SBF2: variants seen among roughly 807,000 people sequenced by gnomAD.
SBF2 encodes SET binding factor 2, also known as myotubularin-related protein 13.
SBF2 carries 112 observed loss-of-function variants against 225.2 expected under a neutral mutation model. The observed-to-expected ratio is 0.50, with a 90% CI of 0.43 to 0.58. The LOEUF is 0.58. Among genes scored for constraint, SBF2 ranks in the 20% least tolerant of loss-of-function variants. The pLI, the probability that SBF2 is intolerant of heterozygous loss-of-function variation, is 0.00. For missense variants in SBF2, 1,996 were observed against 2,206.2 expected (o/e 0.90, Z 1.91); for synonymous variants, 763 against 773.3 (o/e 0.99, Z 0.22).
chr11:9,881,778 A>G (rs1382493465), intron 17 of SBF2, among the ~76,000 whole-genome samples: 1 of 152,064 alleles, frequency 6.6e-6, no homozygotes, highest in Non-Finnish European at 1.5e-5. Flanking sequence ...TTGTAAGGAA[A>G]ACAATAAAAG....
At chr11:9,950,990 G>A (rs2134324434) in intron 16 of SBF2, among the ~76,000 whole-genome samples, 1 of 152,278 alleles carries the variant, frequency 6.6e-6, no homozygotes, top group East Asian at 1.9e-4. Flanking sequence ...GATCATGGTG[G>A]ATAGTATAGG....
intron 1 of SBF2, among the ~76,000 whole-genome samples, 178 bp from the exon 2 acceptor site, chr11:10,194,165 T>C (rs954943612): frequency 6.6e-6 from 1 of 152,150 alleles, no homozygotes; most frequent in African/African-American, 2.4e-5. Context: ...CAGTAGGACC[T>C]CCATATCCAT....
intron 30 of SBF2, chr11:9,809,269 C>A: frequency 2.6e-6 from 1 of 388,268 alleles, no homozygotes; most frequent in Non-Finnish European, 4.8e-6. Flanking sequence ...AGTTCGAGAC[C>A]AGCCTGGGCA....
chr11:10,265,104 G>C (rs971858598), intron 1 of SBF2, among the ~76,000 whole-genome samples: 1 of 152,132 alleles, frequency 6.6e-6, no homozygotes, highest in African/African-American at 2.4e-5. Flanking sequence ...CTCAGTAACA[G>C]GATTGCTAGG....
Position 9,882,795 on chromosome 11 carries a change from C to CAAAAAAAA in SBF2, c.1929+13140_1929+13147dup, listed in dbSNP as rs56699466. ...TGCACTCCAGCCTGGGTGACAGAGTCAAAAAAAAAAAAAAAAAAAAAAAAA... is the reference window on the plus strand; with the variant it reads ...TGCACTCCAGCCTGGGTGACAGAGTCAAAAAAAAAAAAAAAAAAAAAAAAAAAAAAAAA... On this transcript the variant is annotated intron_variant, in intron 17 of 39. Coordinates refer to ENST00000256190, the MANE Select transcript of SBF2 (RefSeq NM_030962.4). 8.9e-5 allele frequency among the ~76,000 whole-genome samples: 8 copies of CAAAAAAAA among 90,086 alleles called. No homozygotes were observed. The East Asian group carries it at 1.3e-3, about 14-fold the overall frequency. 59.1% of individuals were successfully genotyped at this position (90,086 alleles called of 152,430 possible).
rs116106914 is a variant in SBF2, at chr11:10,130,996, T to C, written c.141+62906A>G. On this transcript the variant is annotated intron_variant, in intron 2 of 39. Transcript: ENST00000256190. The stretch of plus-strand genomic sequence containing the variant: ...GGGCCATTGAAAATAAAACCATGTA[T>C]GGGATTCTGTGCAGAAATAAATTTT... 5.8e-3 allele frequency among the ~76,000 whole-genome samples: 887 copies of C among 152,296 alleles called. 14 individuals carry two copies. The highest frequency in any genetic ancestry group is 0.019 in the African/African-American group (806 of 41,550).
chr11:9,918,748 T>A (rs1000340400), intron 16 of SBF2, among the ~76,000 whole-genome samples: 1 of 150,658 alleles, frequency 6.6e-6, no homozygotes, highest in Admixed American at 6.6e-5. Flanking sequence ...TTTACGTCTT[T>A]TTTTTTTTGA....
At chr11:10,205,781 T>TA (rs1273139631) in intron 1 of SBF2, among the ~76,000 whole-genome samples, 1 of 151,966 alleles carries the variant, frequency 6.6e-6, no homozygotes, top group Admixed American at 6.5e-5. Flanking sequence ...CCCATCACAA[T>TA]AAGCAGGATG....
In SBF2 at chr11:9,812,096, G is replaced by A. The variant is rs527466704; in HGVS notation, c.4155+436C>T. 9.9e-5 allele frequency among the ~76,000 whole-genome samples: 15 copies of A among 152,106 alleles called. No individual in the cohort carries two copies. The East Asian group carries it at 2.9e-3, about 29-fold the overall frequency. On this transcript the variant is annotated intron_variant, in intron 30 of 39. Coordinates refer to ENST00000256190, the MANE Select transcript of SBF2 (RefSeq NM_030962.4). ...CCAGTGTGCCTTTGGTGGGTAGTGT[G>A]GGGTGGATCTAAAATCTAGAGACCT...
intron 1 of SBF2, among the ~76,000 whole-genome samples, chr11:10,250,836 A>G (rs1261042783): frequency 2.0e-5 from 3 of 152,132 alleles, no homozygotes; most frequent in Non-Finnish European, 4.4e-5. Flanking sequence ...TAATAATCTC[A>G]CAACTGAGAA....
At chr11:10,176,733 T>C (rs1190336124) in intron 2 of SBF2, among the ~76,000 whole-genome samples, 2 of 152,126 alleles carry the variant, frequency 1.3e-5, no homozygotes, top group South Asian at 2.1e-4. Flanking sequence ...CAGGACCAGA[T>C]GGATTCACAG....
At chr11:9,808,831 CT>C in intron 31 of SBF2, 69 bp downstream of exon 31, 1 of 1,146,872 alleles carries the variant, frequency 8.7e-7, no homozygotes, top group South Asian at 1.3e-5. Flanking sequence ...AAAGAGTCAT[CT>C]GAAGAATTTA....
At chr11:9,950,770 G>C (rs1865811902) in intron 16 of SBF2, among the ~76,000 whole-genome samples, 1 of 152,120 alleles carries the variant, frequency 6.6e-6, no homozygotes, top group Non-Finnish European at 1.5e-5. Flanking sequence ...GCCAAGAAAG[G>C]GGCAAAAGCT....
At chr11:10,194,574 G>T (rs1197574728) in intron 1 of SBF2, among the ~76,000 whole-genome samples, 1 of 152,084 alleles carries the variant, frequency 6.6e-6, no homozygotes, top group African/African-American at 2.4e-5. Flanking sequence ...GCAGTTGTAT[G>T]ATCTTGGTTC....
intron 2 of SBF2, among the ~76,000 whole-genome samples, chr11:10,176,773 C>G (rs1287740262): frequency 6.6e-6 from 1 of 152,160 alleles, no homozygotes; most frequent in East Asian, 1.9e-4. Flanking sequence ...CAAGAAGGAA[C>G]TGGTACCAAT....
chr11:10,248,355 T>C (rs1330527188), intron 1 of SBF2, among the ~76,000 whole-genome samples: 1 of 152,230 alleles, frequency 6.6e-6, no homozygotes, highest in Non-Finnish European at 1.5e-5. Context: ...AGAAATGCAG[T>C]ACAATTTAAA....
intron 2 of SBF2, among the ~76,000 whole-genome samples, chr11:10,118,650 TC>T (rs1953282064): frequency 6.6e-6 from 1 of 152,094 alleles, no homozygotes; most frequent in Non-Finnish European, 1.5e-5. Flanking sequence ...ATTGCTACCA[TC>T]CATTTTCCAT....
intron 2 of SBF2, among the ~76,000 whole-genome samples, chr11:10,112,070 A>G (rs912383392): frequency 3.9e-5 from 6 of 152,270 alleles, no homozygotes. Flanking sequence ...GAATCAAAGT[A>G]TGAATAAGAC....
intron 1 of SBF2, among the ~76,000 whole-genome samples, chr11:10,230,358 G>A (rs183066939): frequency 3.9e-5 from 6 of 152,274 alleles, no homozygotes; most frequent in African/African-American, 1.2e-4. Context: ...TCATTATGAT[G>A]CTGGCTGGTT....
Sources: gnomAD v4.1 joint callset for allele counts (sites outside exome capture counted in the v4.1 genomes callset) on GRCh38, gnomAD v4.1.1 for gene constraint, MANE v1.5 for transcripts, NCBI Gene and HGNC (gene_info 2026-07-23, HGNC 2026-07-21) for gene names.